The following CDH18 variants were observed in gnomAD, a reference collection of about 807,000 sequenced individuals.
CDH18 encodes the protein cadherin 18, also known as cadherin-18.
CDH18 carries 31 observed loss-of-function variants against 67.9 expected under a neutral mutation model. That is an observed-to-expected ratio of 0.46 (90% CI 0.34 to 0.62). The LOEUF (loss-of-function observed/expected upper bound fraction) is 0.62, where lower values mean the gene tolerates loss of function less well. Ranked by LOEUF, CDH18 falls within the 20% of genes least tolerant of loss-of-function variation. The pLI is 0.01. For synonymous variants in CDH18, 362 were observed against 347.2 expected, an observed-to-expected ratio of 1.04 and a Z score of -0.48; for missense variants, 890 against 975.5, an observed-to-expected ratio of 0.91 and a Z score of 1.17.
intron 2 of CDH18, among the ~76,000 whole-genome samples, chr5:19,910,909 T>A (rs1791067819): frequency 6.6e-6 from 1 of 152,158 alleles, no homozygotes; most frequent in Non-Finnish European, 1.5e-5. Context: ...AAAGTAGGAC[T>A]TACTCTGGCC....
At chr5:20,185,885 G>C (rs79747171) in intron 2 of CDH18, among the ~76,000 whole-genome samples, 2,124 of 150,986 alleles carry the variant, frequency 0.014, 65 homozygotes, top group African/African-American at 0.049. Context: ...CCCGTGTGAT[G>C]CATAGTGTCT....
Position 19,503,179 on chromosome 5 carries a change from T to G in CDH18, c.1513-70A>C. 5 of 724,070 alleles carry G rather than the reference T, an allele frequency of 6.9e-6. No individual in the cohort carries two copies. The South Asian group carries it at 7.2e-5, about 10-fold the overall frequency. 44.9% of individuals were successfully genotyped at this position (724,070 alleles called of 1,614,324 possible). A position where few individuals can be genotyped will look rare whatever the true frequency, so the allele number is the denominator to read the frequency against. The stretch of plus-strand genomic sequence containing the variant: ...TTCTCTTGATTTTAATTACACTGTA[T>G]TATTTCTGTTTAAAAATATTTTTAA... On this transcript the variant is annotated intron_variant, in intron 10 of 12. Transcript: ENST00000382275.
intron 3 of CDH18, among the ~76,000 whole-genome samples, chr5:19,827,577 C>G (rs1162756499): frequency 6.6e-6 from 1 of 151,908 alleles, no homozygotes; most frequent in Non-Finnish European, 1.5e-5. Context: ...GAAATGAATA[C>G]TAAGAAAATT....
At chr5:20,559,701 A>G (rs2126642764) in intron 1 of CDH18, among the ~76,000 whole-genome samples, 1 of 152,214 alleles carries the variant, frequency 6.6e-6, no homozygotes, top group South Asian at 2.1e-4. Context: ...TATTGAAGCT[A>G]ATATTGAATT....
chr5:19,574,480 G>T lies in CDH18; in HGVS notation c.1000-2648C>A, dbSNP rs199512859. Among the ~76,000 whole-genome samples the T allele has an allele frequency of 3.8e-4, 58 of 152,244 alleles. No individual in the cohort carries two copies. In the East Asian group the frequency reaches 0.011, roughly 29 times the overall value. On this transcript the variant is annotated intron_variant, in intron 7 of 12. Transcript: ENST00000382275. ...TTAACAACCTCATTTGTGAAGAAAA[G>T]CTGGTGAGGCTGAATTGCCGGTACA...
chr5:19,744,786 T>A (rs559614103), intron 4 of CDH18, among the ~76,000 whole-genome samples: 1 of 152,234 alleles, frequency 6.6e-6, no homozygotes, highest in African/African-American at 2.4e-5. Context: ...CTCTATTTCA[T>A]GTAATAAATG....
intron 2 of CDH18, among the ~76,000 whole-genome samples, chr5:20,159,334 G>T (rs1263078866): frequency 6.6e-6 from 1 of 152,088 alleles, no homozygotes; most frequent in Non-Finnish European, 1.5e-5. Flanking sequence ...TGAAGAAAAA[G>T]AAATAGATTT....
chr5:19,504,113 A>T (rs1743700402), intron 10 of CDH18, among the ~76,000 whole-genome samples: 1 of 152,120 alleles, frequency 6.6e-6, no homozygotes, highest in African/African-American at 2.4e-5. Flanking sequence ...GCGTGTTCTG[A>T]GCCCATTAGT....
intron 3 of CDH18, among the ~76,000 whole-genome samples, chr5:19,770,845 G>A (rs1280041921): frequency 1.3e-5 from 2 of 152,132 alleles, no homozygotes; most frequent in Admixed American, 6.6e-5. Flanking sequence ...ATTGCATTTT[G>A]TATTTTGGGG....
At chr5:20,147,712 A>T (rs1750767451) in intron 2 of CDH18, among the ~76,000 whole-genome samples, 1 of 152,106 alleles carries the variant, frequency 6.6e-6, no homozygotes. Flanking sequence ...TTGGTCATTT[A>T]TTTTTAGAAC....
intron 2 of CDH18, among the ~76,000 whole-genome samples, chr5:20,114,968 T>C (rs1489177239): frequency 6.6e-6 from 1 of 152,108 alleles, no homozygotes; most frequent in Non-Finnish European, 1.5e-5. Context: ...GATAAGAAGG[T>C]TATAGAATCT....
intron 1 of CDH18, among the ~76,000 whole-genome samples, chr5:20,328,508 T>TGAGAGAGAGAGAGAGA (rs1186669088): frequency 8.9e-6 from 1 of 112,012 alleles, no homozygotes; most frequent in African/African-American, 2.9e-5. Flanking sequence ...TGTGTGTGTG[T>TGAGAGAGAGAGAGAGA]GAGAGAGAGA....
At chr5:20,110,398 G>A (rs1747359580) in intron 2 of CDH18, among the ~76,000 whole-genome samples, 1 of 152,234 alleles carries the variant, frequency 6.6e-6, no homozygotes, top group South Asian at 2.1e-4. Flanking sequence ...AATACCAAAT[G>A]TGTGTCGAGC....
At chr5:20,315,264 A>G (rs1295809781) in intron 1 of CDH18, among the ~76,000 whole-genome samples, 6 of 151,946 alleles carry the variant, frequency 3.9e-5, no homozygotes, top group Middle Eastern at 3.4e-3. Flanking sequence ...TCCAAACTCT[A>G]TCATAAATCC....
At chr5:19,990,249 C>T (rs1298120213), upstream of CDH18, among the ~76,000 whole-genome samples, 1 of 152,186 alleles carries the variant, frequency 6.6e-6, no homozygotes, top group Non-Finnish European at 1.5e-5. Context: ...CACGTTATGA[C>T]ATTCTCTAGA....
At chr5:20,080,577 G>A (rs1744368498) in intron 2 of CDH18, among the ~76,000 whole-genome samples, 1 of 152,086 alleles carries the variant, frequency 6.6e-6, no homozygotes, top group South Asian at 2.1e-4. Flanking sequence ...ATGTAATAAA[G>A]AGCAGAATTG....
chr5:20,402,031 C>T (rs1400759164), intron 1 of CDH18, among the ~76,000 whole-genome samples: 1 of 152,040 alleles, frequency 6.6e-6, no homozygotes, highest in East Asian at 1.9e-4. Flanking sequence ...TCAACTCACT[C>T]TATTCTCACA....
At chr5:19,699,432 G>C (rs1263889411) in intron 5 of CDH18, among the ~76,000 whole-genome samples, 1 of 152,026 alleles carries the variant, frequency 6.6e-6, no homozygotes, top group East Asian at 1.9e-4. Flanking sequence ...ACCTGTTATG[G>C]ACTGAATGTT....
At chr5:19,982,574 T>C (rs1334796956) in intron 1 of CDH18, among the ~76,000 whole-genome samples, 1 of 152,178 alleles carries the variant, frequency 6.6e-6, no homozygotes, top group Non-Finnish European at 1.5e-5. Context: ...AATTATTTCC[T>C]AATTTATTCC....
Sources: gnomAD v4.1 joint callset for allele counts (sites outside exome capture counted in the v4.1 genomes callset) on GRCh38, gnomAD v4.1.1 for gene constraint, MANE v1.5 for transcripts, NCBI Gene and HGNC (gene_info 2026-07-23, HGNC 2026-07-21) for gene names.